The following PRKG1 variants were observed in gnomAD, a reference collection of about 807,000 sequenced individuals.
PRKG1 encodes cGMP-dependent protein kinase 1.
A neutral mutation model predicts 88.1 loss-of-function variants in PRKG1; 35 were observed. The observed-to-expected ratio is 0.40, with a 90% CI of 0.30 to 0.53. The LOEUF (loss-of-function observed/expected upper bound fraction) is 0.53, where lower values mean the gene tolerates loss of function less well. Among genes scored for constraint, PRKG1 ranks in the 20% least tolerant of loss-of-function variants. The probability of loss-of-function intolerance (pLI) is 0.59; values close to 1 mark genes in which losing one functional copy is unlikely to be tolerated. For synonymous variants in PRKG1, 303 were observed against 292.5 expected (o/e 1.04, Z -0.37); for missense variants, 540 against 839.8 (o/e 0.64, Z 4.41).
At chr10:51,435,075 C>T (rs1329585953) in intron 2 of PRKG1, among the ~76,000 whole-genome samples, 2 of 152,012 alleles carry the variant, frequency 1.3e-5, no homozygotes, top group Non-Finnish European at 2.9e-5. Context: ...TGCACTACAA[C>T]TCTATTTATA....
At chr10:51,977,322 A>G (rs1448508998) in intron 5 of PRKG1, among the ~76,000 whole-genome samples, 1 of 152,134 alleles carries the variant, frequency 6.6e-6, no homozygotes, top group Non-Finnish European at 1.5e-5. Flanking sequence ...ATGTCTGCAG[A>G]GTATTCCATG....
chr10:52,212,845 T>C (rs1840015508), intron 9 of PRKG1, among the ~76,000 whole-genome samples: 1 of 152,198 alleles, frequency 6.6e-6, no homozygotes, highest in South Asian at 2.1e-4. Context: ...AAAGGGATTG[T>C]AGCTTTTTCC....
intron 2 of PRKG1, among the ~76,000 whole-genome samples, chr10:51,413,334 T>G (rs1281453226): frequency 6.8e-6 from 1 of 147,020 alleles, no homozygotes; most frequent in Non-Finnish European, 1.5e-5. Context: ...CACCTTCTCT[T>G]AAAAAAAATG....
intron 3 of PRKG1, among the ~76,000 whole-genome samples, chr10:51,763,425 T>A (rs12242225): frequency 0.072 from 10,972 of 151,524 alleles, 458 homozygotes; most frequent in East Asian, 0.092. Context: ...ACAGCTAATT[T>A]AAAAAAAATT....
intron 2 of PRKG1, among the ~76,000 whole-genome samples, chr10:51,300,872 C>T (rs1342115835): frequency 5.9e-5 from 9 of 152,218 alleles, no homozygotes; most frequent in Admixed American, 5.9e-4. Flanking sequence ...CCAAATAAGA[C>T]TTAATTAGCA....
At chr10:52,024,842 C>G (rs527315778) in intron 5 of PRKG1, among the ~76,000 whole-genome samples, 38 of 152,256 alleles carry the variant, frequency 2.5e-4, no homozygotes, top group African/African-American at 8.9e-4. Context: ...TGGTTATATA[C>G]CTAGTAATGA....
chr10:51,843,434 T>C (rs1348882726), intron 4 of PRKG1, among the ~76,000 whole-genome samples: 1 of 152,342 alleles, frequency 6.6e-6, no homozygotes, highest in South Asian at 2.1e-4. Flanking sequence ...TTTAATAGCC[T>C]ATGTAGGCAG....
At chr10:51,941,342 C>T (rs955427978) in intron 5 of PRKG1, among the ~76,000 whole-genome samples, 1 of 151,998 alleles carries the variant, frequency 6.6e-6, no homozygotes, top group Admixed American at 6.6e-5. Flanking sequence ...AGTGTATCCT[C>T]TCATGTACAA....
chr10:52,133,522 T>G (rs925384583), intron 7 of PRKG1, among the ~76,000 whole-genome samples: 1 of 152,170 alleles, frequency 6.6e-6, no homozygotes, highest in Non-Finnish European at 1.5e-5. Context: ...TTTATGTTTG[T>G]TACTATCTTG....
intron 5 of PRKG1, chr10:51,908,734 A>ATATATATATATATATTT (rs563212069): frequency 0.012 from 646 of 51,968 alleles, 6 homozygotes; most frequent in Non-Finnish European, 0.019. Flanking sequence ...TCTATATGTA[A>ATATATATATATATATTT]TTTTTTTTTT....
At chr10:51,409,860 A>AC (rs986257437) in intron 2 of PRKG1, among the ~76,000 whole-genome samples, 1 of 150,688 alleles carries the variant, frequency 6.6e-6, no homozygotes, top group African/African-American at 2.4e-5. Context: ...CAAAAAAAAA[A>AC]AAAAAAAAAA....
intron 16 of PRKG1, among the ~76,000 whole-genome samples, chr10:52,289,390 T>C (rs1275907303): frequency 6.6e-6 from 1 of 152,174 alleles, no homozygotes; most frequent in Admixed American, 6.6e-5. Flanking sequence ...TTAGATGTTA[T>C]AACAGGAGAA....
At chr10:52,243,813 C>G (rs1291309166) in intron 9 of PRKG1, among the ~76,000 whole-genome samples, 5 of 152,118 alleles carry the variant, frequency 3.3e-5, no homozygotes, top group Non-Finnish European at 7.4e-5. Context: ...GCATTACTAT[C>G]ATTCTTATTA....
intron 3 of PRKG1, among the ~76,000 whole-genome samples, chr10:51,692,704 G>A (rs558660108): frequency 2.6e-5 from 4 of 152,138 alleles, no homozygotes; most frequent in African/African-American, 9.6e-5. Flanking sequence ...TTAAAGTCCT[G>A]AACTCAAGTG....
chr10:52,171,303 T>TG (rs1838667892), intron 9 of PRKG1, among the ~76,000 whole-genome samples: 1 of 152,124 alleles, frequency 6.6e-6, no homozygotes, highest in Non-Finnish European at 1.5e-5. Flanking sequence ...AAGTGAGCAA[T>TG]ATCCTCTTCC....
chr10:51,170,498 C>T (rs906791994), intron 2 of PRKG1, among the ~76,000 whole-genome samples: 1 of 149,906 alleles, frequency 6.7e-6, no homozygotes, highest in African/African-American at 2.5e-5. Context: ...GCTATGAAAA[C>T]CAAAGCATGG....
At chr10:51,897,248 C>G (rs765814710) in intron 4 of PRKG1, among the ~76,000 whole-genome samples, 1 of 152,032 alleles carries the variant, frequency 6.6e-6, no homozygotes, top group Admixed American at 6.6e-5. Context: ...TTAGTAAGTC[C>G]GAGATTTCTG....
At chr10:52,070,936 G>A (rs1164528220) in intron 7 of PRKG1, among the ~76,000 whole-genome samples, 2 of 152,120 alleles carry the variant, frequency 1.3e-5, no homozygotes, top group Non-Finnish European at 2.9e-5. Context: ...TCTTGTTGAT[G>A]TTCATCTCTG....
chr10:51,699,571 C>A (rs774925791), intron 3 of PRKG1: 3 of 1,588,610 alleles, frequency 1.9e-6, no homozygotes, highest in Non-Finnish European at 2.6e-6. Flanking sequence ...TGCAGACAGC[C>A]GATAGCGGAT....
Sources: gnomAD v4.1 joint callset for allele counts (sites outside exome capture counted in the v4.1 genomes callset) on GRCh38, gnomAD v4.1.1 for gene constraint, MANE v1.5 for transcripts, NCBI Gene and HGNC (gene_info 2026-07-23, HGNC 2026-07-21) for gene names.